Variants in VTI1A observed in about 807,000 individuals in gnomAD.
The protein encoded by VTI1A is vesicle transport through interaction with t-SNAREs homolog 1A.
A neutral mutation model predicts 34.9 loss-of-function variants in VTI1A; 22 were observed. The ratio of observed to expected loss-of-function variants is 0.63; its 90% CI spans 0.45 to 0.90. The LOEUF (loss-of-function observed/expected upper bound fraction) is 0.90. VTI1A is among the 40% of genes least tolerant of loss of function. VTI1A has a pLI of 0.00. For missense variants in VTI1A, 268 were observed against 275.6 expected (o/e 0.97, Z 0.20); for synonymous variants, 87 against 97.3 (o/e 0.89, Z 0.62).
At chr10:112,576,340 C>T (rs939801242) in intron 5 of VTI1A, among the ~76,000 whole-genome samples, 25 of 152,168 alleles carry the variant, frequency 1.6e-4, no homozygotes, top group African/African-American at 6.0e-4. Flanking sequence ...TCTAAAAGGG[C>T]CAGACCTAAC....
At chr10:112,490,611 ATT>A (rs10694500) in intron 3 of VTI1A, among the ~76,000 whole-genome samples, 16 of 143,222 alleles carry the variant, frequency 1.1e-4, no homozygotes, top group African/African-American at 1.0e-4. Flanking sequence ...AGATGCTACA[ATT>A]TTTTTTTTTT....
At chr10:112,546,461 G>A (rs1217188601) in intron 5 of VTI1A, among the ~76,000 whole-genome samples, 1 of 151,858 alleles carries the variant, frequency 6.6e-6, no homozygotes. Context: ...AATTAATATG[G>A]CTATGTCTGT....
chr10:112,687,832 T>C (rs1296747972), intron 7 of VTI1A, among the ~76,000 whole-genome samples: 2 of 151,998 alleles, frequency 1.3e-5, no homozygotes, highest in African/African-American at 2.4e-5. Flanking sequence ...TGAGAGGACC[T>C]GGCAGGGTAC....
chr10:112,601,150 C>T (rs1055704554), intron 5 of VTI1A, among the ~76,000 whole-genome samples: 10 of 151,906 alleles, frequency 6.6e-5, no homozygotes, highest in Non-Finnish European at 8.8e-5. Flanking sequence ...CATCTTTGGC[C>T]GCATTTTGGA....
chr10:112,464,054 A>C (rs184897290), intron 2 of VTI1A, among the ~76,000 whole-genome samples: 1 of 152,168 alleles, frequency 6.6e-6, no homozygotes, highest in Non-Finnish European at 1.5e-5. Flanking sequence ...GAAGGAGTGC[A>C]GTGGTGCAAT....
chr10:112,753,471 T>A (rs1851173926), intron 7 of VTI1A, among the ~76,000 whole-genome samples: 1 of 152,150 alleles, frequency 6.6e-6, no homozygotes, highest in Non-Finnish European at 1.5e-5. Context: ...AAGAGAGAAT[T>A]TTCCCTCCAG....
chr10:112,507,908 GA>G (rs1849486231), intron 3 of VTI1A, among the ~76,000 whole-genome samples: 1 of 152,174 alleles, frequency 6.6e-6, no homozygotes, highest in Non-Finnish European at 1.5e-5. Flanking sequence ...CCACGAATGA[GA>G]ACAGCTGTGG....
At chr10:112,639,499 C>T (rs766230380) in intron 5 of VTI1A, among the ~76,000 whole-genome samples, 3 of 152,028 alleles carry the variant, frequency 2.0e-5, no homozygotes, top group Non-Finnish European at 4.4e-5. Context: ...ATACTCAGAC[C>T]TAGAAGCTTC....
At chr10:112,560,333 A>C (rs1475401597) in intron 5 of VTI1A, among the ~76,000 whole-genome samples, 1 of 152,140 alleles carries the variant, frequency 6.6e-6, no homozygotes. Context: ...TCGCATGTGA[A>C]AGGAACTTGG....
At chr10:112,745,565 G>A in intron 7 of VTI1A, among the ~76,000 whole-genome samples, 1 of 152,092 alleles carries the variant, frequency 6.6e-6, no homozygotes, top group Non-Finnish European at 1.5e-5. Flanking sequence ...AACCAGACAT[G>A]GAAATGACTG....
At chr10:112,561,196 G>C (rs189649666) in intron 5 of VTI1A, among the ~76,000 whole-genome samples, 52 of 152,218 alleles carry the variant, frequency 3.4e-4, no homozygotes, top group African/African-American at 1.2e-3. Context: ...GCATTTGGTG[G>C]TAAAGATTTT....
the VTI1A span, among the ~76,000 whole-genome samples, chr10:112,839,478 C>G: frequency 1.3e-5 from 2 of 151,266 alleles, no homozygotes; most frequent in African/African-American, 2.4e-5. Flanking sequence ...GGGGGAGCAG[C>G]CCGGGAAGGT....
rs9645551 is a variant in VTI1A, at chr10:112,621,354, T to G, written c.428-46864T>G. Among the ~76,000 whole-genome samples the G allele has an allele frequency of 2.6e-5, 4 of 152,124 alleles. No individual in the cohort carries two copies. In the South Asian group the frequency reaches 8.3e-4, roughly 32 times the overall value. Reference sequence around the variant, plus strand: ...ATACCAAAGAGTTTCTCAATGTATTTGGTCACAGACCCTGTACATCTTATC... The same window carrying G: ...ATACCAAAGAGTTTCTCAATGTATTGGGTCACAGACCCTGTACATCTTATC... On this transcript the variant is annotated intron_variant, in intron 5 of 7. Coordinates refer to ENST00000393077, the MANE Select transcript of VTI1A (RefSeq NM_145206.4).
rs544782465 is a variant in VTI1A at position 112,647,122 on chromosome 10, G to A, written c.428-21096G>A. 1.1e-3 allele frequency among the ~76,000 whole-genome samples: 165 copies of A among 152,290 alleles called. 2 individuals carry two copies. Among genetic ancestry groups the A allele is most frequent in the African/African-American group, 3.8e-3 (157 of 41,568 alleles). On this transcript the variant is annotated intron_variant, in intron 5 of 7. Transcript: ENST00000393077. Reference sequence around the variant, plus strand: ...ATCAGGATTTCCAAGAAAAAAATGAGTGGAGAGCCCATGGGATAAATGAAA... The same window carrying A: ...ATCAGGATTTCCAAGAAAAAAATGAATGGAGAGCCCATGGGATAAATGAAA...
intron 5 of VTI1A, among the ~76,000 whole-genome samples, chr10:112,574,467 G>C (rs528449583): frequency 6.6e-6 from 1 of 152,192 alleles, no homozygotes; most frequent in Non-Finnish European, 1.5e-5. Flanking sequence ...CTAAATCAAC[G>C]AACATTTGTT....
chr10:112,807,129 G>A (rs75891444), intron 7 of VTI1A, among the ~76,000 whole-genome samples: 1 of 152,180 alleles, frequency 6.6e-6, no homozygotes, highest in Admixed American at 6.5e-5. Context: ...GGAGATCTTA[G>A]TGTAGATCCA....
At chr10:112,479,678 A>G (rs1848400714) in intron 3 of VTI1A, among the ~76,000 whole-genome samples, 1 of 152,140 alleles carries the variant, frequency 6.6e-6, no homozygotes, top group African/African-American at 2.4e-5. Flanking sequence ...AACTCATCCC[A>G]TTCAACTTCT....
intron 5 of VTI1A, among the ~76,000 whole-genome samples, chr10:112,577,727 T>A (rs573847180): frequency 6.6e-5 from 10 of 152,350 alleles, no homozygotes; most frequent in African/African-American, 2.2e-4. Context: ...GGAAAGGAAC[T>A]GGGAGATGGA....
chr10:112,628,478 ATTTAATCATG>A (rs1846005307), intron 5 of VTI1A, among the ~76,000 whole-genome samples: 1 of 152,170 alleles, frequency 6.6e-6, no homozygotes, highest in African/African-American at 2.4e-5. Context: ...GGTAAGATTT[ATTTAATCATG>A]TTTAATTTTA....
Sources: allele counts gnomAD v4.1 joint callset (sites outside exome capture counted in the v4.1 genomes callset), GRCh38; gene constraint gnomAD v4.1.1; transcripts MANE v1.5; gene names NCBI Gene and HGNC (gene_info 2026-07-23, HGNC 2026-07-21).